The following SYNE2 variants were observed in gnomAD, a reference collection of about 807,000 sequenced individuals.
The protein encoded by SYNE2 is nesprin-2.
In SYNE2, 431 loss-of-function variants were observed where a neutral mutation model predicts 856.3. The observed-to-expected ratio is 0.50, with a 90% confidence interval of 0.47 to 0.55. The LOEUF (loss-of-function observed/expected upper bound fraction) is 0.55. Among genes scored for constraint, SYNE2 ranks in the 20% least tolerant of loss-of-function variants. The pLI, the probability that SYNE2 is intolerant of heterozygous loss-of-function variation, is 0.00. For synonymous variants in SYNE2, 2,923 were observed against 2,872.3 expected, an observed-to-expected ratio of 1.02 and a Z score of -0.56; for missense variants, 8,129 against 8,023.2, an observed-to-expected ratio of 1.01 and a Z score of -0.50.
chr14:64,054,291 A>G (rs17101600), intron 48 of SYNE2, among the ~76,000 whole-genome samples: 13,752 of 152,190 alleles, frequency 0.09, 1,164 homozygotes, highest in African/African-American at 0.22. Context: ...AGTAAGATAT[A>G]ATGGAAGAAT....
intron 14 of SYNE2, 53 bp downstream of exon 14, chr14:63,979,067 G>C: frequency 6.3e-7 from 1 of 1,585,926 alleles, no homozygotes; most frequent in Non-Finnish European, 8.6e-7. Context: ...TGGGTGCTGT[G>C]TTTGCATTTT....
chr14:64,219,463 A>G, intron 110 of SYNE2, 53 bp downstream of exon 110: 5 of 1,571,920 alleles, frequency 3.2e-6, no homozygotes, highest in Non-Finnish European at 3.5e-6. Flanking sequence ...ATGTGAACGC[A>G]TTGCTATGCT....
intron 84 of SYNE2, among the ~76,000 whole-genome samples, chr14:64,147,011 C>T (rs919445387): frequency 6.6e-6 from 1 of 152,218 alleles, no homozygotes; most frequent in African/African-American, 2.4e-5. Context: ...CTGTTCCCAC[C>T]TCCCAATGAG....
chr14:63,767,337 T>C (rs1886722230), intron 1 of SYNE2, among the ~76,000 whole-genome samples: 1 of 152,094 alleles, frequency 6.6e-6, no homozygotes, highest in Non-Finnish European at 1.5e-5. Flanking sequence ...CTTGAACTCC[T>C]GACCTCAAGT....
intron 32 of SYNE2, among the ~76,000 whole-genome samples, chr14:64,010,364 C>T (rs2096834292): frequency 6.6e-6 from 1 of 152,170 alleles, no homozygotes; most frequent in Non-Finnish European, 1.5e-5. Flanking sequence ...TCTGCTCACC[C>T]CTGCTGCCAC....
At chr14:64,083,708 A>G (rs1386774291) in intron 57 of SYNE2, among the ~76,000 whole-genome samples, 2 of 152,278 alleles carry the variant, frequency 1.3e-5, no homozygotes, top group Middle Eastern at 3.4e-3. Flanking sequence ...TCCATTTTCT[A>G]GCATATTCAG....
Position 64,062,769 on chromosome 14 carries a change from A to G in SYNE2, c.10086A>G (p.Lys3362=). 6.2e-7 allele frequency: 1 copy of G among 1,613,874 alleles called. No individual in the cohort carries two copies. Among genetic ancestry groups the G allele is most frequent in the Non-Finnish European group, 8.5e-7 (1 of 1,179,784 alleles). The change falls in exon 50 of 116, where the codon AAA becomes AAG. Residue 3362 remains lysine (K), a synonymous_variant. Transcript: ENST00000555002. ...TEAERYLENY[K]CYRKMEEDIY... ...TCACTAGGTATCTTGAGAATTACAA[A>G]TGCTATAGAAAAATGGAAGAGGATA...
At chr14:64,113,190 T>C in intron 65 of SYNE2, 151 bp from the exon 66 acceptor site, 4 of 1,490,720 alleles carry the variant, frequency 2.7e-6, no homozygotes, top group Non-Finnish European at 3.5e-6. Flanking sequence ...ATTGTTGCTA[T>C]GAGTGTGGAG....
chr14:63,931,843 C>G (rs1307826589), intron 2 of SYNE2, among the ~76,000 whole-genome samples: 1 of 152,124 alleles, frequency 6.6e-6, no homozygotes, highest in Non-Finnish European at 1.5e-5. Flanking sequence ...TAGTCTTGAA[C>G]TCCTCCTGGA....
chr14:63,774,035 A>G (rs1016991801), intron 1 of SYNE2, among the ~76,000 whole-genome samples: 2 of 152,186 alleles, frequency 1.3e-5, no homozygotes, highest in African/African-American at 4.8e-5. Context: ...TGTACAGTTC[A>G]GAAAACTGAA....
At position 63,961,603 on chromosome 14, in the gene SYNE2, C is replaced by T; in HGVS notation, c.866C>T (p.Pro289Leu). 7.4e-6 allele frequency: 12 copies of T among 1,613,906 alleles called. No homozygotes were observed. The highest frequency in any genetic ancestry group is 1.0e-5 in the Non-Finnish European group (12 of 1,179,882). ...TTTCTGCAGTATTCCAAAGATGCCC[C>T]TGGGACTGGAGAGGAGGCTCAGGTA... ...AQFLQYSKDA[P>L]GTGEEAQGKV... is the part of the protein sequence containing the mutation. Residue 289 changes from proline to leucine, a missense_variant, in exon 9 of 116, where the codon CCT becomes CTT. Pro to Leu is a moderately conservative substitution (Grantham distance 98). Transcript: ENST00000555002.
At chr14:64,096,256 C>T (rs1409884492) in intron 61 of SYNE2, among the ~76,000 whole-genome samples, 1 of 152,164 alleles carries the variant, frequency 6.6e-6, no homozygotes, top group Non-Finnish European at 1.5e-5. Flanking sequence ...ATAAATACAT[C>T]AAAGTGAAGA....
At chr14:63,817,044 A>C (rs1319707874) in intron 1 of SYNE2, among the ~76,000 whole-genome samples, 4 of 152,130 alleles carry the variant, frequency 2.6e-5, no homozygotes. Flanking sequence ...ACCATGCCTG[A>C]CTTGATGATT....
At chr14:63,912,795 A>C (rs1217778982) in intron 2 of SYNE2, among the ~76,000 whole-genome samples, 5 of 152,246 alleles carry the variant, frequency 3.3e-5, no homozygotes, top group African/African-American at 1.2e-4. Flanking sequence ...AGGGCCTAAA[A>C]GGAATCAGCC....
chr14:63,912,684 C>T (rs2153359047), intron 2 of SYNE2, among the ~76,000 whole-genome samples: 1 of 152,128 alleles, frequency 6.6e-6, no homozygotes, highest in East Asian at 1.9e-4. Context: ...GTGGCAACAC[C>T]CTGACTCAGA....
intron 1 of SYNE2, among the ~76,000 whole-genome samples, chr14:63,876,248 A>C (rs1395289465): frequency 1.2e-5 from 1 of 82,920 alleles, no homozygotes; most frequent in African/African-American, 4.5e-5. Flanking sequence ...CTCTATCTCT[A>C]CAAAAAAAAA....
At position 63,961,578 on chromosome 14, in the gene SYNE2, TTTC is replaced by T. The variant is rs1160203206; in HGVS notation, c.843_845del (p.Phe281del). On this transcript the variant is annotated inframe_deletion, in exon 9 of 116. Transcript: ENST00000555002. ...GTCCATCATGACCTATGTGGCACAG[TTTC>T]TGCAGTATTCCAAAGATGCCCCTGG... 2 of 1,614,128 alleles carry T rather than the reference TTTC, an allele frequency of 1.2e-6. No individual in the cohort carries two copies. Among genetic ancestry groups the T allele is most frequent in the Non-Finnish European group, 1.7e-6 (2 of 1,179,994 alleles).
Position 64,068,520 on chromosome 14 carries a change from A to C in SYNE2, c.10432-2125A>C, listed in dbSNP as rs551249924. 2.6e-5 allele frequency among the ~76,000 whole-genome samples: 4 copies of C among 152,122 alleles called. No homozygotes were observed. The South Asian group carries it at 8.3e-4, about 32-fold the overall frequency. On this transcript the variant is annotated intron_variant, in intron 51 of 115. Transcript: ENST00000555002. ...GTGGGTGAATTCAGTTTGTTTATTC[A>C]TTCCCAAGTTGAAGAATTGCCTGGC...
intron 2 of SYNE2, among the ~76,000 whole-genome samples, chr14:63,928,332 A>G (rs1566822893): frequency 6.6e-6 from 1 of 152,184 alleles, no homozygotes; most frequent in Non-Finnish European, 1.5e-5. Flanking sequence ...AATTCTTCAG[A>G]GGGGGACATG....
Sources: gnomAD v4.1 joint callset for allele counts (sites outside exome capture counted in the v4.1 genomes callset) on GRCh38, gnomAD v4.1.1 for gene constraint, MANE v1.5 for transcripts, NCBI Gene and HGNC (gene_info 2026-07-23, HGNC 2026-07-21) for gene names.